The following BPIFC variants were observed in gnomAD, a reference collection of about 807,000 sequenced individuals.
The protein encoded by BPIFC is BPI fold-containing family C protein.
A neutral mutation model predicts 57.6 loss-of-function variants in BPIFC; 60 were observed. That is an observed-to-expected ratio of 1.04 (90% confidence interval 0.85 to 1.29). The LOEUF is 1.29. BPIFC is among the 50% of genes most tolerant of loss of function. BPIFC has a pLI of 0.00. For synonymous variants in BPIFC, 243 were observed against 224.5 expected, an observed-to-expected ratio of 1.08 and a Z score of -0.74; for missense variants, 581 against 600.5, an observed-to-expected ratio of 0.97 and a Z score of 0.34.
At chr22:32,451,261 T>C (rs1369728772) in intron 4 of BPIFC, among the ~76,000 whole-genome samples, 1 of 152,238 alleles carries the variant, frequency 6.6e-6, no homozygotes, top group African/African-American at 2.4e-5. Context: ...ATTTTCTTAA[T>C]CCAGTCTATC....
chr22:32,445,735 A>AAAAAT, intron 6 of BPIFC, 37 bp from the exon 7 acceptor site: 4 of 1,520,374 alleles, frequency 2.6e-6, no homozygotes, highest in Non-Finnish European at 3.5e-6. Context: ...AAAAAAAAAA[A>AAAAAT]GAGGTTACTC....
intron 1 of BPIFC, among the ~76,000 whole-genome samples, chr22:32,463,178 T>C (rs1935199437): frequency 6.6e-6 from 1 of 152,166 alleles, no homozygotes; most frequent in South Asian, 2.1e-4. Flanking sequence ...TGTACATAAC[T>C]TTTCATTGAA....
intron 8 of BPIFC, among the ~76,000 whole-genome samples, chr22:32,438,152 A>C (rs1934461997): frequency 6.6e-6 from 1 of 152,226 alleles, no homozygotes; most frequent in South Asian, 2.1e-4. Context: ...GATGCCTGAA[A>C]GTGTGGACAG....
At chr22:32,442,798 G>A (rs1934601676) in intron 7 of BPIFC, 67 bp from the exon 8 acceptor site, 2 of 1,452,774 alleles carry the variant, frequency 1.4e-6, no homozygotes, top group African/African-American at 2.8e-5. Context: ...TTATTGATGG[G>A]CCTAGACCCT....
At chr22:32,462,351 A>C (rs1364001815) in intron 1 of BPIFC, among the ~76,000 whole-genome samples, 1 of 152,054 alleles carries the variant, frequency 6.6e-6, no homozygotes, top group African/African-American at 2.4e-5. Flanking sequence ...CCAAATTAAT[A>C]TGTGCTAACT....
At chr22:32,441,494 G>A (rs1052073016) in intron 8 of BPIFC, among the ~76,000 whole-genome samples, 10 of 152,148 alleles carry the variant, frequency 6.6e-5, no homozygotes, top group African/African-American at 1.4e-4. Context: ...TGCTCAGCGC[G>A]CCATTGGTGA....
chr22:32,452,833 C>G (rs950908025), intron 4 of BPIFC, among the ~76,000 whole-genome samples: 3 of 152,144 alleles, frequency 2.0e-5, no homozygotes, highest in African/African-American at 7.2e-5. Flanking sequence ...TCTCCCTTGA[C>G]CTTTAAGACT....
Position 32,414,262 on chromosome 22 carries a change from T to C in BPIFC, c.*41A>G. The C allele has an allele frequency of 6.2e-7, 1 of 1,609,276 alleles. No individual in the cohort carries two copies. The highest frequency in any genetic ancestry group is 1.7e-5 in the Admixed American group (1 of 59,598). On this transcript the variant is annotated 3_prime_UTR_variant, in exon 17 of 17. Transcript: ENST00000300399. ...TCTGGGTTTACAGTAGTTGTAGGAT[T>C]AAGGACCATTTACTTCCTGGGGTGA...
intron 2 of BPIFC, among the ~76,000 whole-genome samples, chr22:32,457,602 C>T (rs947025320): frequency 2.0e-5 from 3 of 151,100 alleles, no homozygotes; most frequent in Non-Finnish European, 3.0e-5. Flanking sequence ...TCCATCCATG[C>T]GCTCTCCCAC....
intron 8 of BPIFC, among the ~76,000 whole-genome samples, chr22:32,441,749 C>T (rs1934569923): frequency 6.6e-6 from 1 of 152,112 alleles, no homozygotes; most frequent in South Asian, 2.1e-4. Flanking sequence ...GAAATGGGCA[C>T]TCAATATGTA....
intron 4 of BPIFC, 133 bp from the exon 5 acceptor site, chr22:32,447,473 G>A: frequency 9.4e-7 from 1 of 1,067,540 alleles, no homozygotes; most frequent in Non-Finnish European, 1.3e-6. Context: ...AGAACCTCCT[G>A]TCTGCAAGGC....
chr22:32,436,352 G>GGAGGAGGAA (rs1251832361), intron 9 of BPIFC, among the ~76,000 whole-genome samples: 1,292 of 94,876 alleles, frequency 0.014, 26 homozygotes, highest in Non-Finnish European at 0.019. Context: ...AGGAAGAGGA[G>GGAGGAGGAA]GAGGAGGAGG....
At chr22:32,437,959 A>C in intron 8 of BPIFC, 108 bp from the exon 9 acceptor site, 1 of 618,218 alleles carries the variant, frequency 1.6e-6, no homozygotes. Context: ...TCTGTTTAAA[A>C]GATCAATTCC....
At chr22:32,455,113 C>T (rs1049994169) in intron 3 of BPIFC, among the ~76,000 whole-genome samples, 1 of 134,150 alleles carries the variant, frequency 7.5e-6, no homozygotes, top group African/African-American at 2.8e-5. Flanking sequence ...TGTAGTGGTG[C>T]GATCTCAGCT....
chr22:32,415,231 C>T (rs1243291922), intron 16 of BPIFC, among the ~76,000 whole-genome samples: 1 of 152,154 alleles, frequency 6.6e-6, no homozygotes, highest in Non-Finnish European at 1.5e-5. Context: ...CAGTAATGTT[C>T]ACTCCTCGGC....
intron 4 of BPIFC, among the ~76,000 whole-genome samples, chr22:32,450,968 A>G (rs555596072): frequency 1.3e-5 from 2 of 152,368 alleles, no homozygotes; most frequent in African/African-American, 2.4e-5. Flanking sequence ...AAAGCTTTTC[A>G]GTAGTCAAAC....
chr22:32,454,535 C>A (rs1934986410), intron 3 of BPIFC, among the ~76,000 whole-genome samples: 1 of 152,180 alleles, frequency 6.6e-6, no homozygotes, highest in Admixed American at 6.5e-5. Context: ...AGACCTCTCC[C>A]ACATTAAAGA....
intron 13 of BPIFC, among the ~76,000 whole-genome samples, chr22:32,422,052 G>A (rs576562435): frequency 4.6e-5 from 7 of 152,240 alleles, no homozygotes; most frequent in African/African-American, 2.4e-5. Flanking sequence ...ACAGCAGGGC[G>A]ATGCGAGAGG....
intron 12 of BPIFC, among the ~76,000 whole-genome samples, chr22:32,431,851 G>T (rs191142719): frequency 6.6e-6 from 1 of 152,044 alleles, no homozygotes; most frequent in Non-Finnish European, 1.5e-5. Context: ...TGGGAAGAGC[G>T]TGCATGAAGT....
Sources: allele counts gnomAD v4.1 joint callset (sites outside exome capture counted in the v4.1 genomes callset), GRCh38; gene constraint gnomAD v4.1.1; transcripts MANE v1.5; gene names NCBI Gene and HGNC (gene_info 2026-07-23, HGNC 2026-07-21).